Variants in SLC12A8 observed in about 807,000 individuals in gnomAD.
The protein encoded by SLC12A8 is cation-chloride cotransporter 9.
In SLC12A8, 69 loss-of-function variants were observed where a neutral mutation model predicts 75.6. The ratio of observed to expected loss-of-function variants is 0.91; its 90% CI spans 0.75 to 1.11. The LOEUF is 1.11. SLC12A8 is among the 50% of genes most tolerant of loss of function. The probability of loss-of-function intolerance (pLI) is 0.00; values close to 1 mark genes in which losing one functional copy is unlikely to be tolerated. For synonymous variants in SLC12A8, 365 were observed against 372.8 expected (o/e 0.98, Z 0.24); for missense variants, 877 against 896.7 (o/e 0.98, Z 0.28).
intron 5 of SLC12A8, among the ~76,000 whole-genome samples, chr3:125,174,757 A>G (rs534125027): frequency 1.6e-4 from 25 of 152,378 alleles, no homozygotes; most frequent in African/African-American, 5.8e-4. Context: ...ACTATACAGC[A>G]TTCTGGAAAA....
Position 125,091,543 on chromosome 3 carries a change from A to G in SLC12A8, c.1817T>C (p.Leu606Pro), listed in dbSNP as rs751449425. 4 of 1,613,066 alleles carry G rather than the reference A, an allele frequency of 2.5e-6. No homozygotes were observed. Among genetic ancestry groups the G allele is most frequent in the Non-Finnish European group, 3.4e-6 (4 of 1,179,044 alleles). ...WVSLLGAVGS[L>P]LIMFVIQWVY... ...CCACTGTATCACAAACATGATGAGAAGGGACCCAACAGCCTGTGAAAACAG... is the reference window on the plus strand; with the variant it reads ...CCACTGTATCACAAACATGATGAGAGGGGACCCAACAGCCTGTGAAAACAG... The change falls in exon 12 of 14, where the codon CTT becomes CCT. Residue 606 changes from leucine (L) to proline (P), a missense_variant. Transcript: ENST00000469902.
At position 125,154,044 on chromosome 3, in the gene SLC12A8, G is replaced by A. The variant is rs139156637; in HGVS notation, c.623-18262C>T. On this transcript the variant is annotated intron_variant, in intron 5 of 13. Coordinates refer to ENST00000469902, the MANE Select transcript of SLC12A8 (RefSeq NM_024628.6). ...ACTGCAGGCATGAGTCACCATGCCC[G>A]GCCAGATGATGAATTTTAAAATCAA... Among the ~76,000 whole-genome samples the A allele has an allele frequency of 8.1e-4, 124 of 152,230 alleles. 1 individual carries two copies. Among genetic ancestry groups the A allele is most frequent in the Non-Finnish European group, 9.4e-4 (64 of 68,014 alleles).
chr3:125,194,370 T>G (rs1934965820), intron 2 of SLC12A8, among the ~76,000 whole-genome samples: 1 of 151,514 alleles, frequency 6.6e-6, no homozygotes, highest in Admixed American at 6.6e-5. Context: ...GCCTGGTGGG[T>G]GTTTTTAGTT....
chr3:125,092,023 C>T, intron 11 of SLC12A8, 78 bp downstream of exon 11: 1 of 997,650 alleles, frequency 1.0e-6, no homozygotes, highest in Non-Finnish European at 1.5e-6. Flanking sequence ...ATCTTTCCTC[C>T]CCCACAGCCC....
chr3:125,118,366 G>A (rs141640755), intron 8 of SLC12A8, among the ~76,000 whole-genome samples: 141 of 152,314 alleles, frequency 9.3e-4, no homozygotes, highest in African/African-American at 3.2e-3. Flanking sequence ...GCTCACGCCT[G>A]TAATCTCAGC....
At chr3:125,154,700 A>C (rs917032011) in intron 5 of SLC12A8, 7 of 152,190 alleles carry the variant, frequency 4.6e-5, no homozygotes, top group African/African-American at 1.7e-4. Context: ...TAATTTATAA[A>C]TTAGGCACAA....
At chr3:125,181,305 T>G (rs1934652091) in intron 4 of SLC12A8, among the ~76,000 whole-genome samples, 1 of 152,080 alleles carries the variant, frequency 6.6e-6, no homozygotes, top group South Asian at 2.1e-4. Context: ...ATTTTATTAG[T>G]TAAAAAGAAA....
At chr3:125,092,249 G>GC in intron 10 of SLC12A8, 51 bp from the exon 11 acceptor site, 1 of 1,345,912 alleles carries the variant, frequency 7.4e-7, no homozygotes, top group South Asian at 1.2e-5. Context: ...ACTCTCTACT[G>GC]TTTTTTAGGA....
intron 5 of SLC12A8, among the ~76,000 whole-genome samples, chr3:125,146,079 C>T (rs1933766132): frequency 6.6e-6 from 1 of 152,238 alleles, no homozygotes; most frequent in Admixed American, 6.5e-5. Context: ...ATTCTCCCAC[C>T]TCAGCCTCCC....
At chr3:125,100,405 T>A (rs1938838779) in intron 10 of SLC12A8, among the ~76,000 whole-genome samples, 1 of 151,700 alleles carries the variant, frequency 6.6e-6, no homozygotes, top group African/African-American at 2.4e-5. Context: ...ATTATATATA[T>A]TTATTATTAT....
intron 2 of SLC12A8, among the ~76,000 whole-genome samples, chr3:125,205,078 G>A (rs1381607940): frequency 6.6e-6 from 1 of 152,016 alleles, no homozygotes; most frequent in Non-Finnish European, 1.5e-5. Context: ...CCCAGAGCCA[G>A]ACACCCGGCA....
At chr3:125,202,886 G>C (rs958731321) in intron 2 of SLC12A8, among the ~76,000 whole-genome samples, 17 of 151,954 alleles carry the variant, frequency 1.1e-4, no homozygotes, top group Non-Finnish European at 2.1e-4. Flanking sequence ...TCAGGAGTTT[G>C]AGACCAGCCT....
chr3:125,122,546 A>C (rs901930124), intron 6 of SLC12A8, among the ~76,000 whole-genome samples: 2 of 152,230 alleles, frequency 1.3e-5, no homozygotes, highest in African/African-American at 4.8e-5. Flanking sequence ...TAGAAAATGG[A>C]GAATATAATA....
chr3:125,122,214 G>C (rs1243180229), intron 6 of SLC12A8, among the ~76,000 whole-genome samples: 1 of 152,124 alleles, frequency 6.6e-6, no homozygotes, highest in Non-Finnish European at 1.5e-5. Context: ...AAAGGAACTG[G>C]AACATGTTTT....
In SLC12A8 at chr3:125,190,519, A is replaced by G. The variant is rs751607288; in HGVS notation, c.54T>C (p.Asp18=). ...QELFHEAAQQ[D]ALAQPQPWWK... is the part of the protein sequence containing the mutation. ...ACCAGGGCTGGGGCTGGGCCAGGGC[A>G]TCCTGCAAACAGAACACACAGAAAT... is the stretch of plus-strand genomic sequence containing the variant. The change falls in exon 3 of 14, where the codon GAT becomes GAC. Residue 18 remains aspartate, a splice_region_variant and synonymous_variant. Coordinates refer to ENST00000469902, the MANE Select transcript of SLC12A8 (RefSeq NM_024628.6). 6.2e-7 allele frequency: 1 copy of G among 1,613,974 alleles called. No homozygotes were observed. The highest frequency in any genetic ancestry group is 1.1e-5 in the South Asian group (1 of 91,052).
chr3:125,109,727 G>A (rs1219970275), intron 9 of SLC12A8, among the ~76,000 whole-genome samples: 8 of 152,094 alleles, frequency 5.3e-5, no homozygotes, highest in Admixed American at 1.3e-4. Context: ...AAGTGTAGAC[G>A]CCAGAGGTGT....
chr3:125,116,823 C>T (rs539533), intron 8 of SLC12A8, among the ~76,000 whole-genome samples: 82,676 of 152,062 alleles, frequency 0.54, 23,138 homozygotes, highest in East Asian at 0.72. Context: ...GCATTTCCCT[C>T]GGTCAAACCA....
intron 6 of SLC12A8, among the ~76,000 whole-genome samples, chr3:125,121,271 T>A (rs816156): frequency 6.6e-6 from 1 of 152,216 alleles, no homozygotes; most frequent in Non-Finnish European, 1.5e-5. Flanking sequence ...CTAATGAAAA[T>A]GAATTAATCC....
intron 5 of SLC12A8, among the ~76,000 whole-genome samples, chr3:125,176,940 A>G (rs1381905861): frequency 6.6e-6 from 1 of 152,006 alleles, no homozygotes; most frequent in East Asian, 1.9e-4. Context: ...ATCTAGAACT[A>G]GAAATACCAT....
Sources: allele counts gnomAD v4.1 joint callset (sites outside exome capture counted in the v4.1 genomes callset), GRCh38; gene constraint gnomAD v4.1.1; transcripts MANE v1.5; gene names NCBI Gene and HGNC (gene_info 2026-07-23, HGNC 2026-07-21).